Variants in MNT observed in about 807,000 individuals in gnomAD.
The protein encoded by MNT is max-binding protein MNT.
MNT carries 13 observed loss-of-function variants against 40.7 expected under a neutral mutation model. The ratio of observed to expected loss-of-function variants is 0.32; its 90% CI spans 0.21 to 0.51. The LOEUF (loss-of-function observed/expected upper bound fraction) is 0.51. Ranked by LOEUF, MNT falls within the 20% of genes least tolerant of loss-of-function variation. The pLI is 0.98. For missense variants in MNT, 757 were observed against 792.0 expected (o/e 0.96, Z 0.53); for synonymous variants, 426 against 354.8 (o/e 1.20, Z -2.26).
In MNT at chr17:2,384,294, T is replaced by C. The variant is rs1315125641; in HGVS notation, c.*2607A>G. 1 of 152,038 alleles carries C rather than the reference T, an allele frequency of 6.6e-6. No individual in the cohort carries two copies. Among genetic ancestry groups the C allele is most frequent in the Non-Finnish European group, 1.5e-5 (1 of 67,972 alleles). The allele number at this position is 152,038 out of a possible 1,614,324, so 9.4% of individuals were successfully genotyped here. On this transcript the variant is annotated 3_prime_UTR_variant, in exon 6 of 6. Coordinates refer to ENST00000174618, the MANE Select transcript of MNT (RefSeq NM_020310.3). ...TCCAAACACATAAAAATCTCTACAG[T>C]CTGGGGTCGCTACAGTTTATATTTC... is the stretch of plus-strand genomic sequence containing the variant.
intron 2 of MNT, 148 bp from the exon 3 acceptor site, chr17:2,394,494 C>T (rs2066559004): frequency 2.6e-6 from 3 of 1,163,586 alleles, no homozygotes; most frequent in Non-Finnish European, 3.7e-6. Flanking sequence ...CTGTGCCATG[C>T]TGCGCCCACC....
In MNT at chr17:2,394,029, T is replaced by G; in HGVS notation, c.807+14A>C. ...CGGGGGAAGCTGCGCGACGCCGGCC[T>G]CCGGGCCCCATACCTGGATGTACCG... On this transcript the variant is annotated intron_variant, in intron 4 of 5. Transcript: ENST00000174618. The G allele has an allele frequency of 6.4e-7, 1 of 1,557,480 alleles. No individual in the cohort carries two copies. Among genetic ancestry groups the G allele is most frequent in the Non-Finnish European group, 8.7e-7 (1 of 1,152,496 alleles).
intron 3 of MNT, 34 bp downstream of exon 3, chr17:2,394,271 A>ACGCACGCG: frequency 6.4e-7 from 1 of 1,551,608 alleles, no homozygotes; most frequent in Non-Finnish European, 8.7e-7. Context: ...GCGCGCACGC[A>ACGCACGCG]CGCACGCACA....
rs554275567 is a variant in MNT at position 2,384,827 on chromosome 17, G to A, written c.*2074C>T. On this transcript the variant is annotated 3_prime_UTR_variant, in exon 6 of 6. Coordinates refer to ENST00000174618, the MANE Select transcript of MNT (RefSeq NM_020310.3). ...GTCACCAATCTGGACATAGTCATTC[G>A]GCACTAGATTTGCAGGCCCCCGATG... 7.0e-4 allele frequency: 107 copies of A among 152,752 alleles called. No homozygotes were observed. The highest frequency in any genetic ancestry group is 3.7e-4 in the Non-Finnish European group (25 of 68,070). The allele number at this position is 152,752 out of a possible 1,614,324, so 9.5% of individuals were successfully genotyped here.
chr17:2,395,022 A>AGGGGCTGCAAAGGCTTGGGGC lies in MNT; in HGVS notation c.485_505dup (p.Pro168_Leu169insArgProLysProLeuGlnPro). 6.3e-7 allele frequency: 1 copy of AGGGGCTGCAAAGGCTTGGGGC among 1,596,520 alleles called. No individual in the cohort carries two copies. Among genetic ancestry groups the AGGGGCTGCAAAGGCTTGGGGC allele is most frequent in the Non-Finnish European group, 8.5e-7 (1 of 1,172,346 alleles). ...CGCTATGGTCAGGACAGGCGTGGGG[A>AGGGGCTGCAAAGGCTTGGGGC]GGGGCTGCAAAGGCTTGGGGCTGCC... On this transcript the variant is annotated inframe_insertion, in exon 2 of 6. Coordinates refer to ENST00000174618, the MANE Select transcript of MNT (RefSeq NM_020310.3).
At chr17:2,392,558 C>A (rs992346796) in intron 4 of MNT, 2 of 152,260 alleles carry the variant, frequency 1.3e-5, no homozygotes, top group Admixed American at 6.5e-5. Flanking sequence ...TGCATGAACA[C>A]CCTCAGCCAG....
chr17:2,395,167 G>A lies in MNT; in HGVS notation c.361C>T (p.Pro121Ser). 5 of 1,456,474 alleles carry A rather than the reference G, an allele frequency of 3.4e-6. No individual in the cohort carries two copies. The highest frequency in any genetic ancestry group is 4.5e-6 in the Non-Finnish European group (5 of 1,108,800). The allele number at this position is 1,456,474 out of a possible 1,614,324, so 90.2% of individuals were successfully genotyped here. Residue 121 changes from proline (P) to serine (S), a missense_variant, in exon 2 of 6, where the codon CCG (proline) becomes TCG (serine). By Grantham distance (74) the Pro-to-Ser change is moderately conservative. Coordinates refer to ENST00000174618, the MANE Select transcript of MNT (RefSeq NM_020310.3). ...AQPLPLAPRQ[P>S]ALVGAPGLSI... The stretch of plus-strand genomic sequence containing the variant: ...AGTCCGGGGGCGCCAACCAGGGCCG[G>A]CTGACGAGGCGCCAGGGGCAGAGGC...
At chr17:2,394,823 A>T in intron 2 of MNT, 52 bp downstream of exon 2, 2 of 1,363,900 alleles carry the variant, frequency 1.5e-6, no homozygotes, top group Non-Finnish European at 1.0e-6. Flanking sequence ...AGCCCGGGGG[A>T]TGGGCACCTC....
intron 1 of MNT, among the ~76,000 whole-genome samples, chr17:2,397,204 G>T (rs1261889001): frequency 6.6e-6 from 1 of 152,178 alleles, no homozygotes; most frequent in East Asian, 1.9e-4. Flanking sequence ...CTCCAGTGCG[G>T]GGAGGCCTTA....
At chr17:2,393,535 C>T (rs1046026382) in intron 4 of MNT, among the ~76,000 whole-genome samples, 5 of 152,238 alleles carry the variant, frequency 3.3e-5, no homozygotes, top group Non-Finnish European at 5.9e-5. Context: ...TCCACGCGCG[C>T]TCCGAAAAGA....
rs889781947 is a variant in MNT, at chr17:2,385,770, G to A, written c.*1131C>T. The stretch of plus-strand genomic sequence containing the variant: ...GGCCCTCTGTTCTGTATAGGTCCCA[G>A]GGTTGGTCTGGGGACAGGCTTAGGG... On this transcript the variant is annotated 3_prime_UTR_variant, in exon 6 of 6. Coordinates refer to ENST00000174618, the MANE Select transcript of MNT (RefSeq NM_020310.3). 6.6e-6 allele frequency: 1 copy of A among 152,314 alleles called. No individual in the cohort carries two copies. Among genetic ancestry groups the A allele is most frequent in the Admixed American group, 6.5e-5 (1 of 15,290 alleles). 9.4% of individuals were successfully genotyped at this position (152,314 alleles called of 1,614,324 possible). A position where few individuals can be genotyped will look rare whatever the true frequency, so the allele number is the denominator to read the frequency against.
At position 2,386,040 on chromosome 17, in the gene MNT, G is replaced by A. The variant is rs999539720; in HGVS notation, c.*861C>T. ...TTCTGGAAGCCAAGAGCCAAGCCCAGGGCTGGGGACTGGGGACTGGGGACA... is the reference window on the plus strand; with the variant it reads ...TTCTGGAAGCCAAGAGCCAAGCCCAAGGCTGGGGACTGGGGACTGGGGACA... On this transcript the variant is annotated 3_prime_UTR_variant, in exon 6 of 6. Transcript: ENST00000174618. 6.6e-6 allele frequency: 1 copy of A among 151,248 alleles called. No homozygotes were observed. Among genetic ancestry groups the A allele is most frequent in the Non-Finnish European group, 1.5e-5 (1 of 68,280 alleles). 9.4% of individuals were successfully genotyped at this position (151,248 alleles called of 1,614,324 possible).
intron 2 of MNT, 117 bp downstream of exon 2, chr17:2,394,758 G>A (rs2066560954): frequency 2.9e-6 from 2 of 696,802 alleles, no homozygotes; most frequent in Non-Finnish European, 4.9e-6. Flanking sequence ...CAGTGATGAC[G>A]TGTTCAAATA....
Position 2,400,936 on chromosome 17 carries a change from A to T in MNT, c.-224T>A. 1.5e-5 allele frequency: 5 copies of T among 330,276 alleles called. No homozygotes were observed. The highest frequency in any genetic ancestry group is 8.5e-4 in the Middle Eastern group (1 of 1,170). The allele number at this position is 330,276 out of a possible 1,614,324, so 20.5% of individuals were successfully genotyped here. ...AAAATTGCAAATTTAAAAAAATGGGATGCAAAAAAAAAAAAAAGGCGGCAC... is the reference window on the plus strand; with the variant it reads ...AAAATTGCAAATTTAAAAAAATGGGTTGCAAAAAAAAAAAAAAGGCGGCAC... On this transcript the variant is annotated 5_prime_UTR_variant, in exon 1 of 6. Coordinates refer to ENST00000174618, the MANE Select transcript of MNT (RefSeq NM_020310.3).
Position 2,387,210 on chromosome 17 carries a change from T to A in MNT, c.1440A>T (p.Gln480His). The change falls in exon 6 of 6, where the codon CAA becomes CAT. Residue 480 changes from glutamine (Q) to histidine (H), a missense_variant. Transcript: ENST00000174618. ...IAPSAPSPAV[Q>H]LAPATPPIGH... ...CAATGGGGGGTGTGGCAGGCGCCAG[T>A]TGCACCGCAGGGCTGGGGGCCGAGG... 6.2e-7 allele frequency: 1 copy of A among 1,609,060 alleles called. No individual in the cohort carries two copies. Among genetic ancestry groups the A allele is most frequent in the Non-Finnish European group, 8.5e-7 (1 of 1,178,430 alleles).
At chr17:2,397,301 GC>G (rs2066584890) in intron 1 of MNT, among the ~76,000 whole-genome samples, 1 of 152,064 alleles carries the variant, frequency 6.6e-6, no homozygotes, top group East Asian at 1.9e-4. Flanking sequence ...CAGTGACAGG[GC>G]CCTTCTCAGT....
rs879040358 is a variant in MNT, at chr17:2,394,273, G to GCACACACACACACACACACA, written c.695+31_695+32insTGTGTGTGTGTGTGTGTGTG. On this transcript the variant is annotated intron_variant, in intron 3 of 5. Transcript: ENST00000174618. ...GGGCCCGGGTCGCGCGCGCACGCAC[G>GCACACACACACACACACACA]CACGCACACACACACACACACACAC... The GCACACACACACACACACACA allele has an allele frequency of 2.7e-4, 360 of 1,351,568 alleles. 2 individuals carry two copies. In the African/African-American group the frequency reaches 5.8e-3, roughly 22 times the overall value. 83.7% of individuals were successfully genotyped at this position (1,351,568 alleles called of 1,614,324 possible).
At chr17:2,394,727 T>C (rs1208797022) in intron 2 of MNT, 148 bp downstream of exon 2, 1 of 648,246 alleles carries the variant, frequency 1.5e-6, no homozygotes, top group Non-Finnish European at 2.7e-6. Context: ...GGGACATTCC[T>C]TCCCAGGATA....
intron 4 of MNT, 71 bp downstream of exon 4, chr17:2,393,972 G>A: frequency 9.3e-7 from 1 of 1,078,098 alleles, no homozygotes; most frequent in East Asian, 3.3e-5. Flanking sequence ...GCGGGGCGGG[G>A]CGCGGCCGGG....
Sources: gnomAD v4.1 joint callset for allele counts (sites outside exome capture counted in the v4.1 genomes callset) on GRCh38, gnomAD v4.1.1 for gene constraint, MANE v1.5 for transcripts, NCBI Gene and HGNC (gene_info 2026-07-23, HGNC 2026-07-21) for gene names.